The following GLRA3 variants were observed in gnomAD, a reference collection of about 807,000 sequenced individuals.
GLRA3 encodes the protein glycine receptor subunit alpha-3.
GLRA3 carries 44 observed loss-of-function variants against 60.4 expected under a neutral mutation model. The ratio of observed to expected loss-of-function variants is 0.73; its 90% CI spans 0.57 to 0.94. GLRA3 has a LOEUF of 0.94. GLRA3 is among the 40% of genes least tolerant of loss of function. GLRA3 has a pLI of 0.00. For synonymous variants in GLRA3, 223 were observed against 192.9 expected (o/e 1.16, Z -1.29); for missense variants, 508 against 564.6 (o/e 0.90, Z 1.02).
chr4:174,823,815 A>G (rs190719123), intron 1 of GLRA3, among the ~76,000 whole-genome samples: 21 of 152,312 alleles, frequency 1.4e-4, no homozygotes, highest in Admixed American at 3.9e-4. Flanking sequence ...TAAGTGATAG[A>G]AAGATATTAA....
At chr4:174,738,080 A>G (rs1736874150) in intron 3 of GLRA3, among the ~76,000 whole-genome samples, 1 of 152,172 alleles carries the variant, frequency 6.6e-6, no homozygotes, top group Non-Finnish European at 1.5e-5. Flanking sequence ...ATAGTTGTTT[A>G]TTGATTTGGA....
Position 174,827,086 on chromosome 4 carries a change from G to A in GLRA3, c.71+1655C>T, listed in dbSNP as rs575573472. On this transcript the variant is annotated intron_variant, in intron 1 of 9. Transcript: ENST00000274093. Reference sequence around the variant, plus strand: ...TAAGTTATGAAGTAAACTTTTGTATGTTGTATGTCTTTTCAAAGAAGTACA... The same window carrying A: ...TAAGTTATGAAGTAAACTTTTGTATATTGTATGTCTTTTCAAAGAAGTACA... Among the ~76,000 whole-genome samples, 22 of 151,964 alleles carry A rather than the reference G, an allele frequency of 1.4e-4. No individual in the cohort carries two copies. The South Asian group carries it at 3.1e-3, about 22-fold the overall frequency.
intron 3 of GLRA3, among the ~76,000 whole-genome samples, chr4:174,744,618 C>G (rs1737164248): frequency 1.3e-5 from 2 of 152,170 alleles, no homozygotes. Flanking sequence ...CCAAAGGGTT[C>G]TAACCAATTG....
At chr4:174,816,808 T>G (rs1740521189) in intron 1 of GLRA3, among the ~76,000 whole-genome samples, 1 of 152,110 alleles carries the variant, frequency 6.6e-6, no homozygotes. Flanking sequence ...GTTCCCAAAT[T>G]CTTGGCATGC....
In GLRA3 at chr4:174,640,607, G is replaced by A. The variant is rs938915849; in HGVS notation, c.*3179C>T. Reference sequence around the variant, plus strand: ...AAGTTGCACTGAGTACTAAAGTAGTGAACAGCTTGCTCTCTTCTGTTAGTT... The same window carrying A: ...AAGTTGCACTGAGTACTAAAGTAGTAAACAGCTTGCTCTCTTCTGTTAGTT... On this transcript the variant is annotated 3_prime_UTR_variant, in exon 10 of 10. Coordinates refer to ENST00000274093, the MANE Select transcript of GLRA3 (RefSeq NM_006529.4). The A allele has an allele frequency of 2.6e-5, 4 of 151,938 alleles. No individual in the cohort carries two copies. Among genetic ancestry groups the A allele is most frequent in the Non-Finnish European group, 5.9e-5 (4 of 67,932 alleles). The allele number at this position is 151,938 out of a possible 1,614,324, so 9.4% of individuals were successfully genotyped here. A position where few individuals can be genotyped will look rare whatever the true frequency, so the allele number is the denominator to read the frequency against.
intron 5 of GLRA3, among the ~76,000 whole-genome samples, chr4:174,683,774 T>C (rs895223944): frequency 1.3e-5 from 2 of 152,220 alleles, no homozygotes; most frequent in South Asian, 2.1e-4. Flanking sequence ...CAGAGTTGCA[T>C]GTAGATAGCA....
At chr4:174,671,839 C>T (rs765583799) in intron 7 of GLRA3, among the ~76,000 whole-genome samples, 19 of 151,852 alleles carry the variant, frequency 1.3e-4, no homozygotes, top group Middle Eastern at 3.2e-3. Flanking sequence ...TTAGTAGAGA[C>T]GGGGTTTTGC....
rs944053869 is a variant in GLRA3, at chr4:174,778,942, G to T, written c.199+9874C>A. Among the ~76,000 whole-genome samples, 22 of 149,490 alleles carry T rather than the reference G, an allele frequency of 1.5e-4. No homozygotes were observed. In the South Asian group the frequency reaches 2.1e-3, roughly 14 times the overall value. On this transcript the variant is annotated intron_variant, in intron 2 of 9. Transcript: ENST00000274093. ...CTTGCTTAGGTAAACAAAGCAGCCG[G>T]GAAGCTCCAACTGGGTGGAGCCCAC...
intron 1 of GLRA3, among the ~76,000 whole-genome samples, chr4:174,800,799 A>G (rs1258936372): frequency 6.6e-6 from 1 of 152,044 alleles, no homozygotes; most frequent in Non-Finnish European, 1.5e-5. Flanking sequence ...TGCCTGCCTT[A>G]TGATGATTCA....
intron 2 of GLRA3, among the ~76,000 whole-genome samples, chr4:174,786,719 G>A (rs1312060152): frequency 6.6e-6 from 1 of 152,128 alleles, no homozygotes; most frequent in Non-Finnish European, 1.5e-5. Flanking sequence ...CAAAGCAAAA[G>A]TGTTAGCTAA....
At chr4:174,659,329 T>A (rs1233170086) in intron 7 of GLRA3, 132 bp from the exon 8 acceptor site, 4 of 679,202 alleles carry the variant, frequency 5.9e-6, no homozygotes, top group Non-Finnish European at 9.5e-6. Context: ...AAAATGACAA[T>A]TTTTTCTTGA....
chr4:174,709,511 A>G (rs1029734002), intron 5 of GLRA3, among the ~76,000 whole-genome samples: 11 of 152,028 alleles, frequency 7.2e-5, no homozygotes, highest in Non-Finnish European at 1.6e-4. Context: ...ATGAGTATTA[A>G]AAAGAGAGAA....
chr4:174,714,946 A>C (rs1735852539), intron 5 of GLRA3, among the ~76,000 whole-genome samples: 2 of 152,156 alleles, frequency 1.3e-5, no homozygotes, highest in African/African-American at 4.8e-5. Flanking sequence ...TTTTCTTCTG[A>C]GCTAACATAC....
intron 2 of GLRA3, among the ~76,000 whole-genome samples, chr4:174,771,768 G>A (rs1738400549): frequency 6.6e-6 from 1 of 151,972 alleles, no homozygotes; most frequent in Non-Finnish European, 1.5e-5. Context: ...TTTATTTCTT[G>A]GATTTTAGTT....
intron 2 of GLRA3, among the ~76,000 whole-genome samples, chr4:174,767,797 C>A (rs1738210187): frequency 1.3e-5 from 2 of 152,054 alleles, no homozygotes; most frequent in Admixed American, 1.3e-4. Flanking sequence ...GATACTGGGA[C>A]TCTCTGAGGA....
intron 9 of GLRA3, among the ~76,000 whole-genome samples, chr4:174,647,916 G>A (rs1330571479): frequency 1.3e-5 from 2 of 152,104 alleles, no homozygotes; most frequent in African/African-American, 2.4e-5. Flanking sequence ...CTACCAAATT[G>A]GACAAAGCAT....
At chr4:174,815,547 T>G (rs967676660) in intron 1 of GLRA3, among the ~76,000 whole-genome samples, 2 of 152,158 alleles carry the variant, frequency 1.3e-5, no homozygotes, top group Non-Finnish European at 1.5e-5. Flanking sequence ...TTTCCATACA[T>G]CCTCTGAAAT....
chr4:174,669,698 C>T lies in GLRA3; in HGVS notation c.927+7380G>A, dbSNP rs1318085831. On this transcript the variant is annotated intron_variant, in intron 7 of 9. Transcript: ENST00000274093. ...TCAAGCAATTCTCCTGCCTCAGCCT[C>T]CCAAGCAGCTAGGACTATGGGTGTG... 2.6e-5 allele frequency among the ~76,000 whole-genome samples: 4 copies of T among 152,092 alleles called. No homozygotes were observed. The East Asian group carries it at 7.7e-4, about 29-fold the overall frequency.
intron 7 of GLRA3, among the ~76,000 whole-genome samples, chr4:174,675,862 C>T (rs918039731): frequency 2.6e-5 from 4 of 151,956 alleles, no homozygotes; most frequent in African/African-American, 7.2e-5. Context: ...TTTATATGGG[C>T]ATTTCAATCT....
Sources: gnomAD v4.1 joint callset for allele counts (sites outside exome capture counted in the v4.1 genomes callset) on GRCh38, gnomAD v4.1.1 for gene constraint, MANE v1.5 for transcripts, NCBI Gene and HGNC (gene_info 2026-07-23, HGNC 2026-07-21) for gene names.